The following DAAM1 variants were observed in gnomAD, a reference collection of about 807,000 sequenced individuals.
DAAM1 encodes the protein dishevelled associated activator of morphogenesis 1.
A neutral mutation model predicts 130.0 loss-of-function variants in DAAM1; 52 were observed. The ratio of observed to expected loss-of-function variants is 0.40; its 90% CI spans 0.32 to 0.50. DAAM1 has a LOEUF of 0.50. Ranked by LOEUF, DAAM1 falls within the 20% of genes least tolerant of loss-of-function variation. The pLI, the probability that DAAM1 is intolerant of heterozygous loss-of-function variation, is 0.61. For missense variants in DAAM1, 1,134 were observed against 1,303.8 expected, an observed-to-expected ratio of 0.87 and a Z score of 2.01; for synonymous variants, 452 against 444.5, an observed-to-expected ratio of 1.02 and a Z score of -0.21.
At chr14:59,227,507 G>C (rs17255423) in intron 1 of DAAM1, among the ~76,000 whole-genome samples, 9,143 of 152,218 alleles carry the variant, frequency 0.06, 379 homozygotes, top group Non-Finnish European at 0.09. Context: ...AGTTTAATTT[G>C]TTCCAACACC....
intron 15 of DAAM1, among the ~76,000 whole-genome samples, chr14:59,335,330 C>G (rs1057333606): frequency 1.3e-5 from 2 of 152,176 alleles, no homozygotes; most frequent in African/African-American, 4.8e-5. Context: ...TTTCTCCACT[C>G]ACATTCCAAA....
chr14:59,277,006 A>G (rs2139533747), intron 2 of DAAM1, among the ~76,000 whole-genome samples: 1 of 152,266 alleles, frequency 6.6e-6, no homozygotes, highest in South Asian at 2.1e-4. Flanking sequence ...GATATCCTGA[A>G]TTTCTTAGTG....
chr14:59,272,889 A>T (rs1882790108), intron 2 of DAAM1, among the ~76,000 whole-genome samples: 1 of 152,152 alleles, frequency 6.6e-6, no homozygotes, highest in African/African-American at 2.4e-5. Flanking sequence ...GTGACAGAAG[A>T]TGATCTCACA....
Position 59,367,046 on chromosome 14 carries a change from T to A in DAAM1, c.2827-383T>A, listed in dbSNP as rs144689283. ...GCTGAAACCTGTAATCCCAGCACTT[T>A]GGGAGGCCAAGGTGGGCAGATCACC... is the stretch of plus-strand genomic sequence containing the variant. On this transcript the variant is annotated intron_variant, in intron 23 of 24. Transcript: ENST00000360909. 2.2e-3 allele frequency among the ~76,000 whole-genome samples: 327 copies of A among 151,918 alleles called. 1 individual carries two copies. The highest frequency in any genetic ancestry group is 7.7e-3 in the African/African-American group (317 of 41,378).
rs1435593568 is a variant in DAAM1 at position 59,363,797 on chromosome 14, T to C, written c.2826+15T>C. The C allele has an allele frequency of 6.8e-6, 11 of 1,612,894 alleles. No homozygotes were observed. Among genetic ancestry groups the C allele is most frequent in the Non-Finnish European group, 9.3e-6 (11 of 1,179,794 alleles). ...CTAAAGACCTGGTAAGTTTCCCCCTTGTGCACTGAGTGTTGTTTGACCGGG... is the reference window on the plus strand; with the variant it reads ...CTAAAGACCTGGTAAGTTTCCCCCTCGTGCACTGAGTGTTGTTTGACCGGG... On this transcript the variant is annotated intron_variant, in intron 23 of 24. Coordinates refer to ENST00000360909, the MANE Select transcript of DAAM1 (RefSeq NM_001270520.2).
rs1227450416 is a variant in DAAM1, at chr14:59,323,065, T to C, written c.614T>C (p.Ile205Thr). ...RAHVLAHSES[I>T]NVIAQSLSTE... The stretch of plus-strand genomic sequence containing the variant: ...CACGTCCTGGCTCATTCTGAGAGTA[T>C]TAATGTAATTGCTCAGAGTCTGAGC... The change falls in exon 6 of 25, where the codon ATT (isoleucine) becomes ACT (threonine). Residue 205 changes from isoleucine (I) to threonine (T), a missense_variant. Around this residue, in one of 3 missense-constraint regions of DAAM1, gnomAD observed 391 missense variants for 521.6 expected, o/e 0.75. Coordinates refer to ENST00000360909, the MANE Select transcript of DAAM1 (RefSeq NM_001270520.2). 2 of 1,614,016 alleles carry C rather than the reference T, an allele frequency of 1.2e-6. No individual in the cohort carries two copies. Among genetic ancestry groups the C allele is most frequent in the Admixed American group, 1.7e-5 (1 of 60,024 alleles).
intron 1 of DAAM1, among the ~76,000 whole-genome samples, chr14:59,189,011 G>T (rs955662667): frequency 1.3e-5 from 2 of 152,206 alleles, no homozygotes; most frequent in African/African-American, 2.4e-5. Context: ...TGGCTGCAGC[G>T]CAACGCAAAC....
intron 2 of DAAM1, among the ~76,000 whole-genome samples, chr14:59,283,221 A>C (rs1335278449): frequency 6.6e-6 from 1 of 152,186 alleles, no homozygotes; most frequent in African/African-American, 2.4e-5. Context: ...AAAACTAAGC[A>C]AGTTACTATT....
Position 59,200,882 on chromosome 14 carries a change from C to T in DAAM1, c.-38+12114C>T, listed in dbSNP as rs943023243. Among the ~76,000 whole-genome samples, 14 of 152,190 alleles carry T rather than the reference C, an allele frequency of 9.2e-5. No individual in the cohort carries two copies. In the East Asian group the frequency reaches 1.2e-3, roughly 13 times the overall value. On this transcript the variant is annotated intron_variant, in intron 1 of 24. Coordinates refer to ENST00000360909, the MANE Select transcript of DAAM1 (RefSeq NM_001270520.2). ...GGATTCTTAAAGATCCCCAGGTAGG[C>T]GGGGTGCGGTGGCTCGCTCCTGTAG...
chr14:59,353,833 ATATAT>A (rs747975234), intron 18 of DAAM1, 38 bp from the exon 19 acceptor site: 25 of 1,586,762 alleles, frequency 1.6e-5, no homozygotes, highest in Non-Finnish European at 2.2e-5. Context: ...GTGAACCTAG[ATATAT>A]TAAATGAATA....
Position 59,301,668 on chromosome 14 carries a change from C to T in DAAM1, c.273+10362C>T, listed in dbSNP as rs766847873. On this transcript the variant is annotated intron_variant, in intron 3 of 24. Transcript: ENST00000360909. ...GGACTGTTGCTGGGGCTCACGCAAT[C>T]AGCCCCTTCTTCCTCTAGCCAAAGC... 2.6e-5 allele frequency among the ~76,000 whole-genome samples: 4 copies of T among 152,296 alleles called. No individual in the cohort carries two copies. The Middle Eastern group carries it at 0.01, about 389-fold the overall frequency.
intron 1 of DAAM1, among the ~76,000 whole-genome samples, chr14:59,235,240 C>G (rs1273888388): frequency 6.6e-6 from 1 of 152,094 alleles, no homozygotes; most frequent in Non-Finnish European, 1.5e-5. Flanking sequence ...CTTTGTACCT[C>G]TGGTAGAATT....
At chr14:59,299,941 T>C (rs943712926) in intron 3 of DAAM1, 1 of 152,088 alleles carries the variant, frequency 6.6e-6, no homozygotes, top group Non-Finnish European at 1.5e-5. Context: ...GTGTAGCCCA[T>C]GGAGGAGCTC....
intron 15 of DAAM1, among the ~76,000 whole-genome samples, chr14:59,332,824 G>C (rs1479362729): frequency 6.6e-6 from 1 of 152,172 alleles, no homozygotes; most frequent in Non-Finnish European, 1.5e-5. Context: ...TGAAGAGGTG[G>C]AATGATGGAG....
chr14:59,226,838 C>G (rs887696592), intron 1 of DAAM1, among the ~76,000 whole-genome samples: 8 of 152,174 alleles, frequency 5.3e-5, no homozygotes, highest in African/African-American at 1.9e-4. Context: ...TGGGAATGGA[C>G]TGGGACACTA....
At chr14:59,206,608 C>T (rs1396116809) in intron 1 of DAAM1, among the ~76,000 whole-genome samples, 1 of 152,202 alleles carries the variant, frequency 6.6e-6, no homozygotes, top group Non-Finnish European at 1.5e-5. Flanking sequence ...ATATACTTAT[C>T]CCACTCTTAT....
At chr14:59,284,921 C>G (rs1883375794) in intron 2 of DAAM1, among the ~76,000 whole-genome samples, 1 of 152,234 alleles carries the variant, frequency 6.6e-6, no homozygotes, top group Admixed American at 6.5e-5. Context: ...CCCAGTCTCA[C>G]TAGAGGGGTT....
In DAAM1 at chr14:59,370,697, G is replaced by A. The variant is rs1379519307; in HGVS notation, c.*1838G>A. On this transcript the variant is annotated 3_prime_UTR_variant, in exon 25 of 25. Transcript: ENST00000360909. ...GCAGAGGTTGCACTCCCCCAATCCC[G>A]AGTTAACCCAGGTCTGCAATAACAC... is the stretch of plus-strand genomic sequence containing the variant. 1 of 152,086 alleles carries A rather than the reference G, an allele frequency of 6.6e-6. No individual in the cohort carries two copies. The highest frequency in any genetic ancestry group is 2.4e-5 in the African/African-American group (1 of 41,434). 9.4% of individuals were successfully genotyped at this position (152,086 alleles called of 1,614,324 possible).
intron 2 of DAAM1, among the ~76,000 whole-genome samples, chr14:59,268,006 G>A (rs1341043062): frequency 2.0e-5 from 3 of 149,700 alleles, no homozygotes; most frequent in Non-Finnish European, 3.0e-5. Flanking sequence ...GGGTTCAAGC[G>A]ATTATTTTGC....
Sources: allele counts gnomAD v4.1 joint callset (sites outside exome capture counted in the v4.1 genomes callset), GRCh38; gene constraint gnomAD v4.1.1; regional missense constraint gnomAD v4.1.1; transcripts MANE v1.5; gene names NCBI Gene and HGNC (gene_info 2026-07-23, HGNC 2026-07-21).